ZFHX3: variants seen among roughly 807,000 people sequenced by gnomAD.
ZFHX3 encodes the protein zinc finger homeobox 3, also known as zinc finger homeobox protein 3.
In ZFHX3, 42 loss-of-function variants were observed where a neutral mutation model predicts 279.1. The ratio of observed to expected loss-of-function variants is 0.15; its 90% CI spans 0.12 to 0.19. The LOEUF is 0.19. ZFHX3 is among the 10% of genes least tolerant of loss of function. ZFHX3 has a pLI of 1.00. For synonymous variants in ZFHX3, 2,293 were observed against 1,957.8 expected (o/e 1.17, Z -4.52); for missense variants, 4,981 against 4,754.0 (o/e 1.05, Z -1.40).
chr16:72,911,337 A>C (rs552937758), intron 3 of ZFHX3, among the ~76,000 whole-genome samples: 1 of 152,360 alleles, frequency 6.6e-6, no homozygotes, highest in South Asian at 2.1e-4. Context: ...ACTATCAGGA[A>C]GTAATTGAGG....
In ZFHX3 at chr16:73,268,741, A is replaced by G. The variant is rs116983882; in HGVS notation, c.-1193-11605T>C. Among the ~76,000 whole-genome samples, 1,185 of 152,286 alleles carry G rather than the reference A, an allele frequency of 7.8e-3. 7 individuals are homozygous for G. Among genetic ancestry groups the G allele is most frequent in the Non-Finnish European group, 0.012 (802 of 68,016 alleles). On this transcript the variant is annotated intron_variant, in intron 4 of 17. Coordinates refer to the ZFHX3 transcript ENST00000641206. ...ATGAGGGGTTGGTGCAACCCGAAAC[A>G]CTGCATTCTCTCCTTGGTCAGGGAT... is the stretch of plus-strand genomic sequence containing the variant.
At position 73,495,286 on chromosome 16, in the gene ZFHX3, G is replaced by A. The variant is rs114479617; in HGVS notation, c.-1546-39028C>T. ...AAAGAAAAGGAAGATGCTCTGTATCGGAGGTGAATTCCATTTTAAATCATG... is the reference window on the plus strand; with the variant it reads ...AAAGAAAAGGAAGATGCTCTGTATCAGAGGTGAATTCCATTTTAAATCATG... On this transcript the variant is annotated intron_variant, in intron 2 of 17. Transcript: ENST00000641206. Among the ~76,000 whole-genome samples the A allele has an allele frequency of 9.2e-3, 1,387 of 150,874 alleles. 23 individuals carry two copies. Among genetic ancestry groups the A allele is most frequent in the African/African-American group, 0.03 (1,251 of 41,422 alleles).
At position 73,617,643 on chromosome 16, in the gene ZFHX3, C is replaced by A. The variant is rs1452309114; in HGVS notation, c.-1547+62537G>T. ...AAAAAATAAATACAGTCATTTGAGC[C>A]ATTATTAGCGAAAGGTATTGTCTTT... On this transcript the variant is annotated intron_variant, in intron 2 of 17. Coordinates refer to the ZFHX3 transcript ENST00000641206. Among the ~76,000 whole-genome samples, 3 of 152,154 alleles carry A rather than the reference C, an allele frequency of 2.0e-5. No homozygotes were observed. The East Asian group carries it at 5.8e-4, about 29-fold the overall frequency.
chr16:73,222,325 A>C (rs943000986), intron 5 of ZFHX3, among the ~76,000 whole-genome samples: 1 of 152,098 alleles, frequency 6.6e-6, no homozygotes, highest in African/African-American at 2.4e-5. Flanking sequence ...AATCTGAAAA[A>C]AATCAACAAA....
At chr16:73,104,154 T>A (rs1207607141) in intron 7 of ZFHX3, among the ~76,000 whole-genome samples, 1 of 152,240 alleles carries the variant, frequency 6.6e-6, no homozygotes, top group African/African-American at 2.4e-5. Context: ...ATAGCCACAA[T>A]CATCCAGTAA....
At chr16:73,779,602 C>T (rs1166482758) in intron 1 of ZFHX3, among the ~76,000 whole-genome samples, 1 of 152,124 alleles carries the variant, frequency 6.6e-6, no homozygotes, top group East Asian at 1.9e-4. Context: ...ACTAGGACCA[C>T]GAATCATTCC....
At chr16:72,930,446 G>C (rs915666791) in intron 3 of ZFHX3, among the ~76,000 whole-genome samples, 3 of 152,048 alleles carry the variant, frequency 2.0e-5, no homozygotes, top group African/African-American at 7.2e-5. Context: ...GCGATAAGGA[G>C]ATAATGGATT....
intron 1 of ZFHX3, among the ~76,000 whole-genome samples, chr16:73,835,223 C>T (rs922507342): frequency 5.9e-4 from 90 of 152,226 alleles, no homozygotes; most frequent in African/African-American, 1.9e-3. Context: ...GCTAGAAGTT[C>T]CTCTGTCAGG....
At chr16:73,386,903 G>T (rs1425901843) in intron 3 of ZFHX3, 1 of 152,156 alleles carries the variant, frequency 6.6e-6, no homozygotes, top group Non-Finnish European at 1.5e-5. Context: ...GTCAGGGGTG[G>T]CATCATCCAG....
chr16:73,771,264 C>T (rs1207912941), intron 1 of ZFHX3, among the ~76,000 whole-genome samples: 1 of 152,134 alleles, frequency 6.6e-6, no homozygotes, highest in African/African-American at 2.4e-5. Flanking sequence ...CAGGATGAAT[C>T]CTGGAAGTTT....
intron 3 of ZFHX3, among the ~76,000 whole-genome samples, chr16:73,330,006 G>C (rs1002079879): frequency 6.6e-6 from 1 of 152,170 alleles, no homozygotes; most frequent in Non-Finnish European, 1.5e-5. Flanking sequence ...GTCATGATTA[G>C]GGCTGGGCTG....
At chr16:73,126,395 G>T (rs1430868165) in intron 7 of ZFHX3, among the ~76,000 whole-genome samples, 1 of 152,136 alleles carries the variant, frequency 6.6e-6, no homozygotes, top group Non-Finnish European at 1.5e-5. Flanking sequence ...AGGGCATTGC[G>T]CTGCTAGGGG....
chr16:73,866,660 T>C (rs1463696118), intron 1 of ZFHX3, among the ~76,000 whole-genome samples: 1 of 152,250 alleles, frequency 6.6e-6, no homozygotes, highest in Non-Finnish European at 1.5e-5. Flanking sequence ...ATTTGATTCT[T>C]GGAGTTAATT....
At chr16:73,330,983 G>C (rs1228242812) in intron 3 of ZFHX3, among the ~76,000 whole-genome samples, 2 of 152,084 alleles carry the variant, frequency 1.3e-5, no homozygotes, top group Non-Finnish European at 2.9e-5. Context: ...AAATCTGTGG[G>C]CAGCTGTGTT....
intron 2 of ZFHX3, among the ~76,000 whole-genome samples, chr16:73,556,905 C>G (rs1214014510): frequency 6.6e-6 from 1 of 151,860 alleles, no homozygotes; most frequent in East Asian, 2.0e-4. Context: ...ACCATCCTGG[C>G]TCACATGGTG....
At chr16:73,086,121 A>C (rs1009988113) in intron 8 of ZFHX3, among the ~76,000 whole-genome samples, 2 of 152,206 alleles carry the variant, frequency 1.3e-5, no homozygotes, top group East Asian at 3.8e-4. Context: ...AAAATGCTCC[A>C]CATCATTAAT....
At chr16:73,884,581 G>A (rs1023148096) in intron 1 of ZFHX3, among the ~76,000 whole-genome samples, 13 of 152,174 alleles carry the variant, frequency 8.5e-5, no homozygotes, top group African/African-American at 2.4e-4. Context: ...AGTACCAGTG[G>A]TGTTTCCAAC....
intron 1 of ZFHX3, among the ~76,000 whole-genome samples, chr16:73,813,357 T>C (rs996858445): frequency 2.6e-5 from 4 of 152,086 alleles, no homozygotes; most frequent in Non-Finnish European, 5.9e-5. Context: ...TAGTTCCCCA[T>C]AGAGGACAGC....
intron 5 of ZFHX3, among the ~76,000 whole-genome samples, chr16:73,213,532 A>AAAAC (rs201506271): frequency 0.013 from 1,939 of 152,324 alleles, 36 homozygotes; most frequent in African/African-American, 0.044. Context: ...TAGGGAAAGA[A>AAAAC]AAACACGTTA....
Sources: gnomAD v4.1 joint callset for allele counts (sites outside exome capture counted in the v4.1 genomes callset) on GRCh38, gnomAD v4.1.1 for gene constraint, MANE v1.5 for transcripts, NCBI Gene and HGNC (gene_info 2026-07-23, HGNC 2026-07-21) for gene names.